The following DNAH8 variants were observed in gnomAD, a reference collection of about 807,000 sequenced individuals.
DNAH8 encodes axonemal beta dynein heavy chain 8.
Under a neutral mutation model 562.1 loss-of-function variants are expected in DNAH8, and 382 were observed. The ratio of observed to expected loss-of-function variants is 0.68; its 90% confidence interval spans 0.63 to 0.74. DNAH8 has a LOEUF of 0.74. Among genes scored for constraint, DNAH8 ranks in the 30% least tolerant of loss-of-function variants. The pLI, the probability that DNAH8 is intolerant of heterozygous loss-of-function variation, is 0.00. For missense variants in DNAH8, 5,203 were observed against 5,620.4 expected (o/e 0.93, Z 2.37); for synonymous variants, 1,881 against 1,919.4 (o/e 0.98, Z 0.52).
chr6:38,996,052 C>A (rs1407127661), intron 88 of DNAH8, among the ~76,000 whole-genome samples: 1 of 152,188 alleles, frequency 6.6e-6, no homozygotes, highest in African/African-American at 2.4e-5. Flanking sequence ...ACAGGGTTCT[C>A]CTGCTGTCCG....
intron 53 of DNAH8, among the ~76,000 whole-genome samples, chr6:38,877,033 C>T (rs1778071182): frequency 6.6e-6 from 1 of 152,222 alleles, no homozygotes; most frequent in Non-Finnish European, 1.5e-5. Context: ...ACAAAGGAAT[C>T]TTTAAATCTA....
intron 3 of DNAH8, among the ~76,000 whole-genome samples, chr6:38,724,045 A>C (rs186959867): frequency 3.3e-5 from 5 of 151,806 alleles, no homozygotes; most frequent in African/African-American, 1.2e-4. Flanking sequence ...GCTGGAGTGG[A>C]GTGGCACCAT....
chr6:38,921,431 A>G lies in DNAH8; in HGVS notation c.10587A>G (p.Gln3529=), dbSNP rs763054442. 1.9e-6 allele frequency: 3 copies of G among 1,613,820 alleles called. No homozygotes were observed. Among genetic ancestry groups the G allele is most frequent in the South Asian group, 1.1e-5 (1 of 91,042 alleles). ...CTAATGCTGAGTTAGGGAAGGCACAAGCCCTGCTGGATGAGAAGCAAGCTG... is the reference window on the plus strand; with the variant it reads ...CTAATGCTGAGTTAGGGAAGGCACAGGCCCTGCTGGATGAGAAGCAAGCTG... ...AVANAELGKA[Q]ALLDEKQAEL... The change falls in exon 71 of 93, where the codon CAA becomes CAG. Residue 3529 remains glutamine, a synonymous_variant. Coordinates refer to ENST00000327475, the MANE Select transcript of DNAH8 (RefSeq NM_001206927.2).
chr6:38,957,044 T>G (rs1384359774), intron 82 of DNAH8, among the ~76,000 whole-genome samples: 1 of 152,212 alleles, frequency 6.6e-6, no homozygotes, highest in African/African-American at 2.4e-5. Flanking sequence ...TACAAGAGAC[T>G]CATTTTACCT....
Position 38,791,629 on chromosome 6 carries a change from T to A in DNAH8, c.2856T>A (p.Pro952=). ...CCAAAACTGTGTTGATTTCTCTGCC[T>A]GAAAGTGGTGCTACCAAAGTAGAAG... is the stretch of plus-strand genomic sequence containing the variant. ...EIAKTVLISL[P]ESGATKVEDM... Residue 952 remains proline (P), a synonymous_variant, in exon 21 of 93, where the codon CCT becomes CCA. Coordinates refer to ENST00000327475, the MANE Select transcript of DNAH8 (RefSeq NM_001206927.2). 1 of 1,614,004 alleles carries A rather than the reference T, an allele frequency of 6.2e-7. No individual in the cohort carries two copies. Among genetic ancestry groups the A allele is most frequent in the Non-Finnish European group, 8.5e-7 (1 of 1,179,918 alleles).
chr6:38,824,818 C>T (rs1279804006), intron 28 of DNAH8, among the ~76,000 whole-genome samples: 1 of 151,834 alleles, frequency 6.6e-6, no homozygotes, highest in Non-Finnish European at 1.5e-5. Context: ...TTATATCTAC[C>T]AAGGAAGTAC....
At chr6:38,813,904 A>T in intron 24 of DNAH8, 150 bp from the exon 25 acceptor site, 1 of 662,120 alleles carries the variant, frequency 1.5e-6, no homozygotes, top group Middle Eastern at 3.2e-4. Flanking sequence ...GTTCTCTGCA[A>T]TTTAGGGTTC....
intron 80 of DNAH8, among the ~76,000 whole-genome samples, chr6:38,947,272 C>A (rs79096375): frequency 0.036 from 5,492 of 152,244 alleles, 311 homozygotes; most frequent in African/African-American, 0.12. Flanking sequence ...CAGCGGAGAC[C>A]TGCAGTCAGG....
intron 82 of DNAH8, among the ~76,000 whole-genome samples, chr6:38,956,311 A>G (rs1762240789): frequency 6.6e-6 from 1 of 152,066 alleles, no homozygotes; most frequent in Admixed American, 6.5e-5. Context: ...GCAGGGATCT[A>G]CTGGGAGATA....
rs757468753 is a variant in DNAH8, at chr6:38,832,323, T to A, written c.4190T>A (p.Val1397Asp). ...GTTGAATATTCTTTTTTATTGTAGG[T>A]TTCAGTACAAGAGGACCTAGTTCAA... is the stretch of plus-strand genomic sequence containing the variant. ...YSFNKLQSKA[V>D]SVQEDLVQVQ... The change falls in exon 31 of 93, where the codon GTT becomes GAT. Residue 1397 changes from valine to aspartate, a missense_variant and splice_region_variant. Physicochemically the swap from Val to Asp is radical, Grantham distance 152. Transcript: ENST00000327475. 3.8e-6 allele frequency: 6 copies of A among 1,596,194 alleles called. No homozygotes were observed. In the African/African-American group the frequency reaches 8.1e-5, roughly 21 times the overall value.
At chr6:38,934,615 G>C (rs1358158227) in intron 76 of DNAH8, among the ~76,000 whole-genome samples, 1 of 152,152 alleles carries the variant, frequency 6.6e-6, no homozygotes, top group Non-Finnish European at 1.5e-5. Context: ...GAAAAATGTT[G>C]TAAGGAATAT....
At position 38,872,621 on chromosome 6, in the gene DNAH8, T is replaced by A. The variant is rs753509409; in HGVS notation, c.7076T>A (p.Met2359Lys). The A allele has an allele frequency of 5.0e-6, 8 of 1,614,102 alleles. No individual in the cohort carries two copies. In the South Asian group the frequency reaches 7.7e-5, roughly 16 times the overall value. ...SGKTTVITIL[M>K]KAQTECGRPH... ...AAGACAACCGTTATCACGATTCTAA[T>A]GAAGGCGCAAACAGAATGCGGAAGG... Residue 2359 changes from methionine (M) to lysine (K), a missense_variant, in exon 50 of 93, where the codon ATG becomes AAG. Coordinates refer to ENST00000327475, the MANE Select transcript of DNAH8 (RefSeq NM_001206927.2).
rs145525408 is a variant in DNAH8 at position 39,000,643 on chromosome 6, T to C, written c.13215-8171T>C. 3.5e-3 allele frequency among the ~76,000 whole-genome samples: 526 copies of C among 152,292 alleles called. 2 individuals are homozygous for C. The highest frequency in any genetic ancestry group is 0.011 in the South Asian group (55 of 4,816). ...TCACCCCCAGATGGGACCGTCTAGT[T>C]TCAGGAAAACAAGCTCAGGGCTCCC... On this transcript the variant is annotated intron_variant, in intron 88 of 92. Transcript: ENST00000327475.
chr6:38,922,469 T>C (rs1387900662), intron 71 of DNAH8, among the ~76,000 whole-genome samples: 1 of 152,152 alleles, frequency 6.6e-6, no homozygotes, highest in Non-Finnish European at 1.5e-5. Context: ...ATAGATAATA[T>C]TAACATTTAA....
At position 38,715,676 on chromosome 6, in the gene DNAH8, C is replaced by T. The variant is rs77867274; in HGVS notation, c.-35+261C>T. Among the ~76,000 whole-genome samples, 101 of 151,868 alleles carry T rather than the reference C, an allele frequency of 6.7e-4. 1 individual carries two copies. Among genetic ancestry groups the T allele is most frequent in the African/African-American group, 2.3e-3 (95 of 41,376 alleles). On this transcript the variant is annotated intron_variant, in intron 1 of 92. Coordinates refer to ENST00000327475, the MANE Select transcript of DNAH8 (RefSeq NM_001206927.2). ...GTTTTGAGACTAGAAAACCAAATACCGCACGTTCTCACCTATGAGTAGGAG... is the reference window on the plus strand; with the variant it reads ...GTTTTGAGACTAGAAAACCAAATACTGCACGTTCTCACCTATGAGTAGGAG...
At chr6:38,880,344 C>T (rs188715087) in intron 53 of DNAH8, among the ~76,000 whole-genome samples, 36 of 152,096 alleles carry the variant, frequency 2.4e-4, no homozygotes, top group East Asian at 1.9e-3. Context: ...TGTAAAACTG[C>T]GCTGAGAGAA....
intron 62 of DNAH8, among the ~76,000 whole-genome samples, chr6:38,902,291 C>T (rs938060739): frequency 6.6e-6 from 1 of 152,108 alleles, no homozygotes; most frequent in Admixed American, 6.5e-5. Flanking sequence ...CATATGCAAA[C>T]CAACCAATCC....
rs1781225198 is a variant in DNAH8, at chr6:38,915,324, A to G, written c.10087A>G (p.Ser3363Gly). 4 of 1,610,250 alleles carry G rather than the reference A, an allele frequency of 2.5e-6. No homozygotes were observed. Among genetic ancestry groups the G allele is most frequent in the Non-Finnish European group, 2.5e-6 (3 of 1,178,554 alleles). ...EIDSEKVKAE[S>G]KLEAAKPALE... is the part of the protein sequence containing the mutation. ...TGATAGTGAAAAAGTGAAAGCTGAA[A>G]GCAAGCTTGAGGCAGCTAAACCTGC... The change falls in exon 68 of 93, where the codon AGC becomes GGC. Residue 3363 changes from serine (S) to glycine (G), a missense_variant. By Grantham distance (56) the Ser-to-Gly change is moderately conservative. This residue lies in a region of DNAH8 where 87 missense variants were observed against 144.9 expected (regional missense o/e 0.60). Transcript: ENST00000327475.
At chr6:38,938,507 G>A (rs1034430248) in intron 78 of DNAH8, among the ~76,000 whole-genome samples, 1 of 152,058 alleles carries the variant, frequency 6.6e-6, no homozygotes, top group African/African-American at 2.4e-5. Flanking sequence ...ACCAAATACC[G>A]CATAGTCTCA....
Sources: gnomAD v4.1 joint callset for allele counts (sites outside exome capture counted in the v4.1 genomes callset) on GRCh38, gnomAD v4.1.1 for gene constraint, gnomAD v4.1.1 regional missense constraint, MANE v1.5 for transcripts, NCBI Gene and HGNC (gene_info 2026-07-23, HGNC 2026-07-21) for gene names.